The following SETBP1 variants were observed in gnomAD, a reference collection of about 807,000 sequenced individuals.
SETBP1 encodes the protein SET binding protein 1.
SETBP1 carries 9 observed loss-of-function variants against 101.0 expected under a neutral mutation model. The ratio of observed to expected loss-of-function variants is 0.09; its 90% CI spans 0.05 to 0.16. The LOEUF (loss-of-function observed/expected upper bound fraction) is 0.16, where lower values mean the gene tolerates loss of function less well. Ranked by LOEUF, SETBP1 falls within the 10% of genes least tolerant of loss-of-function variation. The pLI, the probability that SETBP1 is intolerant of heterozygous loss-of-function variation, is 1.00. For synonymous variants in SETBP1, 818 were observed against 788.5 expected, an observed-to-expected ratio of 1.04 and a Z score of -0.63; for missense variants, 1,858 against 2,033.8, an observed-to-expected ratio of 0.91 and a Z score of 1.66.
chr18:44,773,873 T>TGTGTGTG (rs1376069085), intron 2 of SETBP1, among the ~76,000 whole-genome samples: 2 of 151,538 alleles, frequency 1.3e-5, no homozygotes, highest in East Asian at 1.9e-4. Flanking sequence ...TGTGTGTGTC[T>TGTGTGTG]TTCTTCCCCC....
At chr18:44,775,770 A>G (rs2070988948) in intron 2 of SETBP1, among the ~76,000 whole-genome samples, 1 of 151,878 alleles carries the variant, frequency 6.6e-6, no homozygotes, top group South Asian at 2.1e-4. Context: ...TGGATTTAGA[A>G]TAACGAGATT....
chr18:44,953,797 G>C (rs1452541551), intron 4 of SETBP1, among the ~76,000 whole-genome samples: 1 of 152,184 alleles, frequency 6.6e-6, no homozygotes, highest in Non-Finnish European at 1.5e-5. Flanking sequence ...CATCTAATGT[G>C]AGAAGTCTAC....
At chr18:44,978,836 G>A (rs896570294) in intron 4 of SETBP1, among the ~76,000 whole-genome samples, 1 of 152,144 alleles carries the variant, frequency 6.6e-6, no homozygotes, top group Non-Finnish European at 1.5e-5. Flanking sequence ...GCTACAGGAC[G>A]TGATGCCATT....
chr18:44,775,611 T>G (rs1873317842), intron 2 of SETBP1, among the ~76,000 whole-genome samples: 1 of 152,188 alleles, frequency 6.6e-6, no homozygotes, highest in Admixed American at 6.5e-5. Flanking sequence ...GTTTTTTGTT[T>G]TACCTCTTAA....
chr18:44,850,838 G>C (rs2072840066), intron 2 of SETBP1, among the ~76,000 whole-genome samples: 1 of 152,214 alleles, frequency 6.6e-6, no homozygotes, highest in Non-Finnish European at 1.5e-5. Context: ...AATCACAGTA[G>C]ATGTTCATTC....
At chr18:44,870,583 A>G (rs2069250125) in intron 3 of SETBP1, 2 of 152,222 alleles carry the variant, frequency 1.3e-5, no homozygotes, top group Admixed American at 6.5e-5. Flanking sequence ...TTTTTCACAT[A>G]TTTACACAAA....
intron 2 of SETBP1, among the ~76,000 whole-genome samples, chr18:44,744,666 C>A (rs748249560): frequency 1.3e-4 from 20 of 152,168 alleles, no homozygotes; most frequent in Non-Finnish European, 2.4e-4. Flanking sequence ...CCGGGCCAAA[C>A]GCAGTCTTTG....
intron 3 of SETBP1, among the ~76,000 whole-genome samples, chr18:44,908,333 G>A (rs1408205660): frequency 6.6e-6 from 1 of 152,020 alleles, no homozygotes; most frequent in Non-Finnish European, 1.5e-5. Flanking sequence ...TTACAGGTGT[G>A]AGCCACCACA....
intron 5 of SETBP1, among the ~76,000 whole-genome samples, chr18:45,056,296 G>A (rs1045097446): frequency 1.3e-5 from 2 of 152,120 alleles, no homozygotes; most frequent in African/African-American, 4.8e-5. Context: ...GGGCTGGCCT[G>A]CTACAGATTT....
intron 4 of SETBP1, among the ~76,000 whole-genome samples, chr18:44,968,688 C>T (rs140970083): frequency 3.3e-5 from 5 of 152,198 alleles, no homozygotes; most frequent in Non-Finnish European, 5.9e-5. Flanking sequence ...TGTTGTATGT[C>T]TCAATGGCTT....
chr18:44,817,966 C>T (rs932855759), intron 2 of SETBP1, among the ~76,000 whole-genome samples: 1 of 152,180 alleles, frequency 6.6e-6, no homozygotes, highest in Non-Finnish European at 1.5e-5. Flanking sequence ...AGCTTCCAGA[C>T]TTACGTGTTT....
chr18:45,061,098 T>C (rs1288623554), intron 5 of SETBP1, among the ~76,000 whole-genome samples: 1 of 152,272 alleles, frequency 6.6e-6, no homozygotes, highest in Non-Finnish European at 1.5e-5. Context: ...TCAAGTTTTG[T>C]GGAGTATTAC....
At chr18:44,836,689 G>T (rs1220172443) in intron 2 of SETBP1, among the ~76,000 whole-genome samples, 1 of 152,168 alleles carries the variant, frequency 6.6e-6, no homozygotes, top group East Asian at 1.9e-4. Flanking sequence ...GTATATAATT[G>T]TCTATTTGGC....
chr18:44,837,134 G>A (rs781166335), intron 2 of SETBP1, among the ~76,000 whole-genome samples: 4 of 152,180 alleles, frequency 2.6e-5, no homozygotes, highest in African/African-American at 7.2e-5. Flanking sequence ...ACCACACCAC[G>A]TAAGAGCCAA....
chr18:44,754,665 G>T (rs1292116460), intron 2 of SETBP1, among the ~76,000 whole-genome samples: 1 of 152,120 alleles, frequency 6.6e-6, no homozygotes, highest in Admixed American at 6.5e-5. Context: ...CAAGAGAATG[G>T]AGCTTCATCT....
intron 1 of SETBP1, among the ~76,000 whole-genome samples, chr18:44,696,205 C>T (rs117731350): frequency 3.3e-5 from 5 of 152,278 alleles, no homozygotes; most frequent in East Asian, 1.9e-4. Flanking sequence ...TGGATGAATA[C>T]GACACAAGTC....
At chr18:44,869,659 T>G (rs2069227945) in intron 3 of SETBP1, 1 of 324,118 alleles carries the variant, frequency 3.1e-6, no homozygotes. Context: ...CACTCGCATG[T>G]CTGTAATCTT....
chr18:44,778,750 C>A (rs761539550), intron 2 of SETBP1, among the ~76,000 whole-genome samples: 2 of 152,216 alleles, frequency 1.3e-5, no homozygotes, highest in South Asian at 2.1e-4. Flanking sequence ...GAGGAGCCTG[C>A]GGAAGGCTTC....
At chr18:44,984,238 T>C (rs2072179360) in intron 4 of SETBP1, among the ~76,000 whole-genome samples, 3 of 152,136 alleles carry the variant, frequency 2.0e-5, no homozygotes, top group Admixed American at 2.0e-4. Flanking sequence ...CCTCAACTTT[T>C]TTAGTGCTAG....
Sources: allele counts gnomAD v4.1 joint callset (sites outside exome capture counted in the v4.1 genomes callset), GRCh38; gene constraint gnomAD v4.1.1; transcripts MANE v1.5; gene names NCBI Gene and HGNC (gene_info 2026-07-23, HGNC 2026-07-21).